The following PCBD2 variants were observed in gnomAD, a reference collection of about 807,000 sequenced individuals.
The protein encoded by PCBD2 is pterin-4 alpha-carbinolamine dehydratase 2.
Under a neutral mutation model 16.4 loss-of-function variants are expected in PCBD2, and 12 were observed. The observed-to-expected ratio is 0.73, with a 90% CI of 0.47 to 1.19. PCBD2 has a LOEUF of 1.19. PCBD2 is among the 50% of genes most tolerant of loss of function. The pLI, the probability that PCBD2 is intolerant of heterozygous loss-of-function variation, is 0.00. For missense variants in PCBD2, 138 were observed against 156.8 expected, an observed-to-expected ratio of 0.88 and a Z score of 0.64; for synonymous variants, 58 against 61.8, an observed-to-expected ratio of 0.94 and a Z score of 0.29.
chr5:134,938,522 C>G (rs1401438836), intron 2 of PCBD2, among the ~76,000 whole-genome samples: 2 of 152,088 alleles, frequency 1.3e-5, no homozygotes, highest in Non-Finnish European at 2.9e-5. Flanking sequence ...GGAGAAGAGT[C>G]TGTGTGCTTG....
At chr5:134,951,103 G>C (rs537317992) in intron 2 of PCBD2, among the ~76,000 whole-genome samples, 2 of 152,068 alleles carry the variant, frequency 1.3e-5, no homozygotes, top group African/African-American at 4.8e-5. Flanking sequence ...AATTCAAAAG[G>C]TACCAAAGAA....
intron 2 of PCBD2, among the ~76,000 whole-genome samples, chr5:134,950,786 T>C (rs1218142328): frequency 2.0e-5 from 3 of 152,166 alleles, no homozygotes; most frequent in Non-Finnish European, 4.4e-5. Context: ...TAATTTGCAA[T>C]AGAGGAAAGA....
At chr5:134,926,219 T>G in intron 2 of PCBD2, 1 of 325,722 alleles carries the variant, frequency 3.1e-6, no homozygotes, top group East Asian at 4.8e-5. Flanking sequence ...TAATCTAGTT[T>G]GAAGCTTAGG....
intron 2 of PCBD2, chr5:134,925,587 G>A (rs768987000): frequency 1.1e-4 from 42 of 397,888 alleles, no homozygotes; most frequent in Non-Finnish European, 8.9e-5. Context: ...GTGTAAGGGC[G>A]CAGACTGCTG....
intron 2 of PCBD2, among the ~76,000 whole-genome samples, chr5:134,916,946 C>T (rs1475785197): frequency 6.6e-6 from 1 of 152,166 alleles, no homozygotes. Flanking sequence ...TGCTTGGACC[C>T]AGACAGGGTG....
chr5:134,925,153 C>T (rs1159539791), intron 2 of PCBD2: 8 of 397,804 alleles, frequency 2.0e-5, no homozygotes, highest in South Asian at 1.3e-4. Flanking sequence ...GGCTGGGAAG[C>T]GAGGCTGACC....
intron 2 of PCBD2, among the ~76,000 whole-genome samples, chr5:134,931,544 C>T (rs943227719): frequency 6.6e-6 from 1 of 152,118 alleles, no homozygotes; most frequent in African/African-American, 2.4e-5. Context: ...TGTTCGTATT[C>T]CCATTTTGCT....
intron 2 of PCBD2, among the ~76,000 whole-genome samples, chr5:134,916,785 T>C (rs904281041): frequency 1.3e-5 from 2 of 152,222 alleles, no homozygotes; most frequent in Non-Finnish European, 2.9e-5. Flanking sequence ...TAGGTGTCAG[T>C]TGCTGTTAGC....
At chr5:134,927,943 G>A (rs1179311966) in intron 2 of PCBD2, 5 of 396,826 alleles carry the variant, frequency 1.3e-5, no homozygotes, top group Admixed American at 4.4e-5. Flanking sequence ...CTAATAATTA[G>A]GCTGTGAGTG....
chr5:134,939,474 G>T (rs763748788), intron 2 of PCBD2, among the ~76,000 whole-genome samples: 6 of 151,940 alleles, frequency 3.9e-5, no homozygotes, highest in Non-Finnish European at 7.4e-5. Context: ...TAGGGAAATC[G>T]GAAGCAGTCA....
chr5:134,934,087 A>G (rs1264727467), intron 2 of PCBD2, among the ~76,000 whole-genome samples: 1 of 152,228 alleles, frequency 6.6e-6, no homozygotes, highest in Non-Finnish European at 1.5e-5. Flanking sequence ...TCTGTGGCAA[A>G]TGATGGCTTT....
intron 2 of PCBD2, among the ~76,000 whole-genome samples, chr5:134,957,992 A>T (rs946620355): frequency 2.6e-5 from 4 of 152,240 alleles, no homozygotes; most frequent in African/African-American, 9.6e-5. Context: ...TAGGAAATAC[A>T]CACTTAGGTC....
At position 134,937,026 on chromosome 5, in the gene PCBD2, T is replaced by A. The variant is rs116502126; in HGVS notation, c.217-22014T>A. 9.5e-3 allele frequency among the ~76,000 whole-genome samples: 1,454 copies of A among 152,358 alleles called. 24 individuals carry two copies. Among genetic ancestry groups the A allele is most frequent in the African/African-American group, 0.033 (1,374 of 41,582 alleles). ...ACTAAATAGGTATAAACTACTTCTG[T>A]GTGCATTGACTTAAAAGGCAATGTT... On this transcript the variant is annotated intron_variant, in intron 2 of 3. Coordinates refer to ENST00000254908, the MANE Select transcript of PCBD2 (RefSeq NM_032151.5).
intron 2 of PCBD2, among the ~76,000 whole-genome samples, chr5:134,943,408 ATCACTTTTAAGGAAAAG>A (rs1383190819): frequency 6.6e-6 from 1 of 152,214 alleles, no homozygotes; most frequent in Non-Finnish European, 1.5e-5. Flanking sequence ...ACAAAAAATA[ATCACTTTTAAGGAAAAG>A]TCACTGTTGA....
At chr5:134,928,913 C>T (rs538263721) in intron 2 of PCBD2, among the ~76,000 whole-genome samples, 25 of 152,190 alleles carry the variant, frequency 1.6e-4, no homozygotes, top group African/African-American at 6.0e-4. Flanking sequence ...GTTTGGGATG[C>T]AGGGATCAAG....
In PCBD2 at chr5:134,962,119, T is replaced by A. The variant is rs1284982064; in HGVS notation, c.*1438T>A. On this transcript the variant is annotated 3_prime_UTR_variant, in exon 4 of 4. Transcript: ENST00000254908. ...GTGTGTGTGTGTGTTTGACACGGGG[T>A]CTCATTCTGTTGCCCAGGCAGTAGT... Among the ~76,000 whole-genome samples, 1 of 150,882 alleles carries A rather than the reference T, an allele frequency of 6.6e-6. No individual in the cohort carries two copies. Among genetic ancestry groups the A allele is most frequent in the African/African-American group, 2.4e-5 (1 of 40,936 alleles).
intron 2 of PCBD2, among the ~76,000 whole-genome samples, chr5:134,914,561 G>A (rs533254044): frequency 6.6e-6 from 1 of 152,206 alleles, no homozygotes; most frequent in East Asian, 1.9e-4. Context: ...AGAGGGACAA[G>A]GGAAAAAAGG....
chr5:134,958,326 G>A (rs1278832336), intron 2 of PCBD2, among the ~76,000 whole-genome samples: 1 of 152,180 alleles, frequency 6.6e-6, no homozygotes, highest in African/African-American at 2.4e-5. Flanking sequence ...GTGGTATAAA[G>A]ACAGAGCCCC....
intron 2 of PCBD2, among the ~76,000 whole-genome samples, chr5:134,940,253 T>G (rs1470314038): frequency 6.6e-6 from 1 of 152,146 alleles, no homozygotes; most frequent in Non-Finnish European, 1.5e-5. Context: ...CTCTAACAAT[T>G]GTAAGGCATG....
Sources: allele counts gnomAD v4.1 joint callset (sites outside exome capture counted in the v4.1 genomes callset), GRCh38; gene constraint gnomAD v4.1.1; transcripts MANE v1.5; gene names NCBI Gene and HGNC (gene_info 2026-07-23, HGNC 2026-07-21).